Variants in ST8SIA5 observed in about 807,000 individuals in gnomAD.
ST8SIA5 encodes the protein alpha-2,8-sialyltransferase 8E.
ST8SIA5 carries 24 observed loss-of-function variants against 40.2 expected under a neutral mutation model. That is an observed-to-expected ratio of 0.60 (90% CI 0.43 to 0.84). ST8SIA5 has a LOEUF of 0.84. Among genes scored for constraint, ST8SIA5 ranks in the 40% least tolerant of loss-of-function variants. The probability of loss-of-function intolerance (pLI) is 0.00; values close to 1 mark genes in which losing one functional copy is unlikely to be tolerated. For missense variants in ST8SIA5, 465 were observed against 498.5 expected (o/e 0.93, Z 0.64); for synonymous variants, 198 against 201.8 (o/e 0.98, Z 0.16).
chr18:46,709,185 G>A (rs73433066), intron 1 of ST8SIA5, among the ~76,000 whole-genome samples: 1,925 of 152,324 alleles, frequency 0.013, 35 homozygotes, highest in African/African-American at 0.044. Context: ...ATGGTATTAA[G>A]AGGCAGGGCC....
Position 46,674,544 on chromosome 18 carries a change from C to T in ST8SIA5, c.*5498G>A, listed in dbSNP as rs532100458. 2.6e-5 allele frequency: 4 copies of T among 152,366 alleles called. No individual in the cohort carries two copies. The East Asian group carries it at 7.7e-4, about 29-fold the overall frequency. The allele number at this position is 152,366 out of a possible 1,614,324, so 9.4% of individuals were successfully genotyped here. A position where few individuals can be genotyped will look rare whatever the true frequency, so the allele number is the denominator to read the frequency against. ...CTGGAGTCCCCCAGGAACCAGAGAC[C>T]TCATTACTGTAGTAAACATGTGTTG... On this transcript the variant is annotated 3_prime_UTR_variant, in exon 7 of 7. Coordinates refer to ENST00000315087, the MANE Select transcript of ST8SIA5 (RefSeq NM_013305.6).
chr18:46,746,696 G>T (rs764604900), intron 1 of ST8SIA5, among the ~76,000 whole-genome samples: 25 of 151,566 alleles, frequency 1.6e-4, no homozygotes, highest in African/African-American at 5.1e-4. Flanking sequence ...AATGACTTTC[G>T]TCACAGAATT....
At chr18:46,752,513 A>G (rs75819197) in intron 1 of ST8SIA5, among the ~76,000 whole-genome samples, 2,639 of 152,316 alleles carry the variant, frequency 0.017, 45 homozygotes, top group Admixed American at 0.032. Context: ...TTTCTCCATT[A>G]GAGACACTGA....
chr18:46,679,705 G>C lies in ST8SIA5; in HGVS notation c.*337C>G. 1 of 332,148 alleles carries C rather than the reference G, an allele frequency of 3.0e-6. No individual in the cohort carries two copies. 20.6% of individuals were successfully genotyped at this position (332,148 alleles called of 1,614,324 possible). On this transcript the variant is annotated 3_prime_UTR_variant, in exon 7 of 7. Coordinates refer to ENST00000315087, the MANE Select transcript of ST8SIA5 (RefSeq NM_013305.6). The stretch of plus-strand genomic sequence containing the variant: ...GGGCCTGCAGTTTGTGCTCTCTCTC[G>C]GATGACAAAATTGGGTGGAAATGTG...
chr18:46,731,610 C>G (rs1401169544), intron 1 of ST8SIA5: 1 of 152,324 alleles, frequency 6.6e-6, no homozygotes, highest in Non-Finnish European at 1.5e-5. Context: ...AAGAACAAAG[C>G]CAAATCCACT....
At chr18:46,735,462 C>T (rs902488334) in intron 1 of ST8SIA5, among the ~76,000 whole-genome samples, 3 of 152,030 alleles carry the variant, frequency 2.0e-5, no homozygotes, top group Non-Finnish European at 4.4e-5. Flanking sequence ...TTTCTGGTAG[C>T]CACATTATAA....
At chr18:46,692,481 G>T (rs958209838) in intron 2 of ST8SIA5, among the ~76,000 whole-genome samples, 4 of 151,752 alleles carry the variant, frequency 2.6e-5, no homozygotes, top group African/African-American at 9.7e-5. Context: ...TCAGCTCACT[G>T]CAACCTCCGC....
intron 1 of ST8SIA5, among the ~76,000 whole-genome samples, chr18:46,722,123 C>G (rs62097206): frequency 0.046 from 7,013 of 152,294 alleles, 292 homozygotes; most frequent in East Asian, 0.23. Flanking sequence ...CAGATCTACT[C>G]GCAGTGAACA....
chr18:46,728,578 C>A (rs1205318051), intron 1 of ST8SIA5, among the ~76,000 whole-genome samples: 1 of 152,202 alleles, frequency 6.6e-6, no homozygotes, highest in Non-Finnish European at 1.5e-5. Flanking sequence ...GAGCCCAGGA[C>A]CCCATGTGCT....
chr18:46,756,980 G>C lies in ST8SIA5; in HGVS notation c.-472C>G, dbSNP rs1410217736. ...GCGGTTGCCCAGCGCGCTGTGCCCT[G>C]CCGGGGGCGGGCCACGTTTGATCTC... On this transcript the variant is annotated 5_prime_UTR_variant, in exon 1 of 7. Coordinates refer to ENST00000315087, the MANE Select transcript of ST8SIA5 (RefSeq NM_013305.6). 6.3e-6 allele frequency: 1 copy of C among 158,082 alleles called. No homozygotes were observed. Among genetic ancestry groups the C allele is most frequent in the Non-Finnish European group, 1.4e-5 (1 of 72,604 alleles). 9.8% of individuals were successfully genotyped at this position (158,082 alleles called of 1,614,324 possible).
rs184681086 is a variant in ST8SIA5, at chr18:46,746,478, G to A, written c.131+9900C>T. Among the ~76,000 whole-genome samples the A allele has an allele frequency of 7.3e-4, 111 of 152,198 alleles. 1 individual carries two copies. Among genetic ancestry groups the A allele is most frequent in the African/African-American group, 2.6e-3 (109 of 41,528 alleles). ...AACTCCCATCCACAATTGCTACAAA[G>A]AGAATAAAATACCTAGGAATCCAAC... On this transcript the variant is annotated intron_variant, in intron 1 of 6. Transcript: ENST00000315087.
intron 1 of ST8SIA5, 111 bp downstream of exon 1, chr18:46,756,267 C>A: frequency 6.8e-7 from 1 of 1,463,108 alleles, no homozygotes; most frequent in Non-Finnish European, 9.2e-7. Context: ...TAGGAGCGGA[C>A]CCCACGGCCA....
chr18:46,754,760 TTCCCCCTGTTGACAAGGCAGAAGGAA>T (rs1473558007), intron 1 of ST8SIA5, among the ~76,000 whole-genome samples: 1 of 152,194 alleles, frequency 6.6e-6, no homozygotes, highest in Non-Finnish European at 1.5e-5. Context: ...CGGTTGTATT[TTCCCCCTGTTGACAAGGCAGAAGGAA>T]TCCCAGCAGC....
intron 1 of ST8SIA5, among the ~76,000 whole-genome samples, chr18:46,728,098 G>A (rs1329043565): frequency 6.6e-6 from 1 of 151,966 alleles, no homozygotes; most frequent in Non-Finnish European, 1.5e-5. Flanking sequence ...AGGAGGCTGA[G>A]GCAGGAGAAT....
At chr18:46,732,390 C>T (rs567461249) in intron 1 of ST8SIA5, among the ~76,000 whole-genome samples, 11 of 152,310 alleles carry the variant, frequency 7.2e-5, no homozygotes, top group Middle Eastern at 3.4e-3. Flanking sequence ...GATCCTGTCC[C>T]GGGAGTCAGT....
intron 1 of ST8SIA5, among the ~76,000 whole-genome samples, chr18:46,724,444 G>A (rs2039894195): frequency 6.6e-6 from 1 of 152,244 alleles, no homozygotes; most frequent in African/African-American, 2.4e-5. Context: ...TGCCTGTCCA[G>A]TTCTTAGTCC....
chr18:46,703,991 A>G (rs896059950), intron 2 of ST8SIA5, among the ~76,000 whole-genome samples: 1 of 152,200 alleles, frequency 6.6e-6, no homozygotes, highest in Non-Finnish European at 1.5e-5. Context: ...TTATGTAAAA[A>G]AAAACTTTTT....
chr18:46,708,056 G>A (rs532679003), intron 1 of ST8SIA5, among the ~76,000 whole-genome samples: 1 of 152,176 alleles, frequency 6.6e-6, no homozygotes, highest in East Asian at 1.9e-4. Context: ...TGTGCGACAG[G>A]GTTGAGAAAA....
intron 1 of ST8SIA5, among the ~76,000 whole-genome samples, chr18:46,715,921 T>C (rs1431891649): frequency 6.6e-6 from 1 of 151,952 alleles, no homozygotes; most frequent in African/African-American, 2.4e-5. Context: ...ATGGCCTTTT[T>C]ATTATGGTCT....
Sources: gnomAD v4.1 joint callset for allele counts (sites outside exome capture counted in the v4.1 genomes callset) on GRCh38, gnomAD v4.1.1 for gene constraint, MANE v1.5 for transcripts, NCBI Gene and HGNC (gene_info 2026-07-23, HGNC 2026-07-21) for gene names.